SLC25A51: variants seen among roughly 807,000 people sequenced by gnomAD.
SLC25A51 encodes mitochondrial nicotinamide adenine dinucleotide transporter SLC25A51.
Under a neutral mutation model 19.1 loss-of-function variants are expected in SLC25A51, and 11 were observed. That is an observed-to-expected ratio of 0.58 (90% CI 0.36 to 0.96). SLC25A51 has a LOEUF of 0.96. Among genes scored for constraint, SLC25A51 ranks in the 40% least tolerant of loss-of-function variants. The pLI, the probability that SLC25A51 is intolerant of heterozygous loss-of-function variation, is 0.01. For missense variants in SLC25A51, 201 were observed against 365.4 expected, an observed-to-expected ratio of 0.55 and a Z score of 3.67; for synonymous variants, 105 against 133.6, an observed-to-expected ratio of 0.79 and a Z score of 1.47.
intron 2 of SLC25A51, among the ~76,000 whole-genome samples, chr9:37,893,735 G>A (rs1204974249): frequency 6.6e-6 from 1 of 152,140 alleles, no homozygotes; most frequent in Non-Finnish European, 1.5e-5. Context: ...GAGTTGGGCT[G>A]TTTGTAGATC....
intron 2 of SLC25A51, among the ~76,000 whole-genome samples, chr9:37,893,124 T>A (rs1194451223): frequency 6.6e-6 from 1 of 152,178 alleles, no homozygotes; most frequent in African/African-American, 2.4e-5. Context: ...GTGATCCAAC[T>A]GCCTCAGCCT....
At chr9:37,902,270 G>A (rs1587175215) in intron 1 of SLC25A51, among the ~76,000 whole-genome samples, 1 of 152,174 alleles carries the variant, frequency 6.6e-6, no homozygotes, top group Non-Finnish European at 1.5e-5. Context: ...GTTTATTTAT[G>A]ACTCTGTGTG....
intron 2 of SLC25A51, among the ~76,000 whole-genome samples, chr9:37,897,590 TGATA>T (rs1489478000): frequency 6.6e-6 from 1 of 151,832 alleles, no homozygotes; most frequent in African/African-American, 2.4e-5. Context: ...CTTATTGAAC[TGATA>T]AATACTTCCT....
chr9:37,878,513 G>A (rs180881484), downstream of SLC25A51: 72 of 190,744 alleles, frequency 3.8e-4, no homozygotes, highest in Middle Eastern at 2.9e-3. Flanking sequence ...TGCCAATCAT[G>A]ACCCACAGTG....
intron 2 of SLC25A51, among the ~76,000 whole-genome samples, chr9:37,892,557 T>TTA (rs1365519269): frequency 6.6e-6 from 1 of 151,592 alleles, no homozygotes; most frequent in East Asian, 1.9e-4. Flanking sequence ...CAATACTACA[T>TTA]TATATATATA....
At chr9:37,879,064 C>T (rs1473357169), downstream of SLC25A51, 15 of 354,200 alleles carry the variant, frequency 4.2e-5, no homozygotes, top group Non-Finnish European at 7.9e-5. Flanking sequence ...TACTTCTGAT[C>T]TTAATCACCG....
exon 4 of SLC25A51, chr9:37,880,371 T>C (rs532566354): frequency 6.6e-6 from 1 of 152,100 alleles, no homozygotes; most frequent in Non-Finnish European, 1.5e-5. Context: ...GGAACTGAGA[T>C]AAATCCTATT....
intron 2 of SLC25A51, among the ~76,000 whole-genome samples, chr9:37,898,480 C>G (rs1035680531): frequency 1.3e-5 from 2 of 151,402 alleles, no homozygotes; most frequent in South Asian, 2.1e-4. Context: ...GCTTGAACCT[C>G]GGAGGCGGAG....
chr9:37,885,938 G>A (rs1370126476), downstream of SLC25A51: 2 of 1,611,668 alleles, frequency 1.2e-6, no homozygotes, highest in South Asian at 2.2e-5. Context: ...TAAAACCATT[G>A]ATGAGGAACT....
chr9:37,900,492 C>G (rs1013887515), intron 1 of SLC25A51, among the ~76,000 whole-genome samples: 5 of 151,984 alleles, frequency 3.3e-5, no homozygotes, highest in African/African-American at 1.2e-4. Flanking sequence ...GTCACCCAGA[C>G]TGGAGTACGG....
downstream of SLC25A51, chr9:37,885,814 G>T: frequency 6.2e-7 from 1 of 1,605,412 alleles, no homozygotes; most frequent in Non-Finnish European, 8.5e-7. Context: ...CTTTTCTTCC[G>T]CTTGGATATT....
chr9:37,887,402 A>C (rs528217169), downstream of SLC25A51, among the ~76,000 whole-genome samples: 11 of 152,198 alleles, frequency 7.2e-5, no homozygotes, highest in Admixed American at 1.3e-4. Context: ...CATTGAAGAC[A>C]ATATTGAACA....
At chr9:37,879,174 A>G, downstream of SLC25A51, 1 of 320,910 alleles carries the variant, frequency 3.1e-6, no homozygotes, top group East Asian at 9.3e-5. Context: ...ATTAAAGCTG[A>G]GTATGAAGGG....
intron 2 of SLC25A51, among the ~76,000 whole-genome samples, chr9:37,892,519 A>G (rs2118339580): frequency 6.6e-6 from 1 of 152,250 alleles, no homozygotes; most frequent in East Asian, 1.9e-4. Flanking sequence ...CCTCTGAACA[A>G]TACTACATTA....
downstream of SLC25A51, among the ~76,000 whole-genome samples, chr9:37,883,952 G>A (rs933179057): frequency 6.6e-6 from 1 of 152,168 alleles, no homozygotes; most frequent in African/African-American, 2.4e-5. Context: ...GATGGTCACT[G>A]TATTTAACCA....
chr9:37,897,044 A>G (rs1236861670), intron 2 of SLC25A51, among the ~76,000 whole-genome samples: 1 of 152,168 alleles, frequency 6.6e-6, no homozygotes. Context: ...AGTCTATCTT[A>G]ATTTTAAATA....
At chr9:37,900,447 CA>C (rs1312897158) in intron 1 of SLC25A51, among the ~76,000 whole-genome samples, 1 of 148,016 alleles carries the variant, frequency 6.8e-6, no homozygotes, top group African/African-American at 2.5e-5. Context: ...AGACTCTATC[CA>C]GAAAAAAAAA....
At chr9:37,886,063 G>A, downstream of SLC25A51, 3 of 1,606,972 alleles carry the variant, frequency 1.9e-6, no homozygotes, top group Non-Finnish European at 2.6e-6. Context: ...ACTGTACAGG[G>A]CTAAATTTTG....
At chr9:37,884,081 T>C (rs1831399823), downstream of SLC25A51, among the ~76,000 whole-genome samples, 1 of 152,230 alleles carries the variant, frequency 6.6e-6, no homozygotes, top group South Asian at 2.1e-4. Flanking sequence ...TATGCAATTA[T>C]CCAGAAAGAA....
Sources: gnomAD v4.1 joint callset for allele counts (sites outside exome capture counted in the v4.1 genomes callset) on GRCh38, gnomAD v4.1.1 for gene constraint, MANE v1.5 for transcripts, NCBI Gene and HGNC (gene_info 2026-07-23, HGNC 2026-07-21) for gene names.